The following COA8 variants were observed in gnomAD, a reference collection of about 807,000 sequenced individuals.
COA8 encodes UPF0671 protein C14orf153.
Under a neutral mutation model 22.0 loss-of-function variants are expected in COA8, and 20 were observed. The ratio of observed to expected loss-of-function variants is 0.91; its 90% CI spans 0.64 to 1.32. The LOEUF (loss-of-function observed/expected upper bound fraction) is 1.32. COA8 is among the 40% of genes most tolerant of loss of function. COA8 has a pLI of 0.00. For missense variants in COA8, 266 were observed against 230.0 expected (o/e 1.16, Z -1.01); for synonymous variants, 105 against 79.9 (o/e 1.31, Z -1.68).
At chr14:103,585,680 A>C (rs1478934561) in intron 3 of COA8, among the ~76,000 whole-genome samples, 1 of 147,496 alleles carries the variant, frequency 6.8e-6, no homozygotes, top group Non-Finnish European at 1.5e-5. Flanking sequence ...GGTTCAAGCA[A>C]TTCTCCTGCC....
At position 103,563,031 on chromosome 14, in the gene COA8, CT is replaced by C; in HGVS notation, c.33del (p.Leu12SerfsTer45). The C allele has an allele frequency of 6.4e-7, 1 of 1,551,562 alleles. No individual in the cohort carries two copies. Among genetic ancestry groups the C allele is most frequent in the South Asian group, 1.2e-5 (1 of 85,744 alleles). Reference protein sequence around the residue: MVVLRAGKKTFLPPLCRAFAC... With the variant: MVVLRAGKKTXLPPLCRAFAC... ...TGGTCTTGCGGGCGGGGAAGAAGAC[CT>C]TTCTCCCCCCTCTCTGCCGCGCCTT... On this transcript the variant is annotated frameshift_variant, in exon 1 of 5. Coordinates refer to ENST00000409074, the MANE Select transcript of COA8 (RefSeq NM_001370595.2). LOFTEE classifies it high-confidence loss of function.
chr14:103,568,191 G>A (rs556082658), intron 1 of COA8, among the ~76,000 whole-genome samples: 2 of 152,296 alleles, frequency 1.3e-5, no homozygotes, highest in Non-Finnish European at 2.9e-5. Flanking sequence ...GTAGCTTTGT[G>A]TCATGTACGG....
chr14:103,565,943 C>T (rs1341816979), intron 1 of COA8, among the ~76,000 whole-genome samples: 1 of 152,040 alleles, frequency 6.6e-6, no homozygotes, highest in Admixed American at 6.6e-5. Flanking sequence ...CAAAAATGAG[C>T]TGTAGGGTAT....
rs79347665 is a variant in COA8, at chr14:103,574,303, G to C, written c.385+133G>C. ...TTGGCCTGCTTTGGGGCAGTGCTCG[G>C]CACACCCCTGTCCAAGTTCTCTTGC... On this transcript the variant is annotated intron_variant, in intron 3 of 4. Coordinates refer to ENST00000409074, the MANE Select transcript of COA8 (RefSeq NM_001370595.2). 9.2e-6 allele frequency: 11 copies of C among 1,192,148 alleles called. No individual in the cohort carries two copies. In the African/African-American group the frequency reaches 1.5e-4, roughly 16 times the overall value. The allele number at this position is 1,192,148 out of a possible 1,614,324, so 73.8% of individuals were successfully genotyped here. A position where few individuals can be genotyped will look rare whatever the true frequency, so the allele number is the denominator to read the frequency against.
At chr14:103,567,759 G>A (rs2076146198) in intron 1 of COA8, among the ~76,000 whole-genome samples, 2 of 152,092 alleles carry the variant, frequency 1.3e-5, no homozygotes, top group Admixed American at 1.3e-4. Context: ...GTCTGTTGGT[G>A]GTGGGAAAGA....
chr14:103,563,414 TG>T (rs2076107797), intron 1 of COA8: 1 of 555,956 alleles, frequency 1.8e-6, no homozygotes, highest in East Asian at 3.4e-5. Context: ...TTCCCGAGAA[TG>T]ATTATTTTTT....
chr14:103,585,425 G>A (rs2076298583), intron 3 of COA8, among the ~76,000 whole-genome samples: 1 of 149,376 alleles, frequency 6.7e-6, no homozygotes, highest in South Asian at 2.1e-4. Flanking sequence ...GTTGTGGTGA[G>A]CCGAGATCGT....
chr14:103,574,430 G>A (rs779454285), intron 3 of COA8: 13 of 624,338 alleles, frequency 2.1e-5, no homozygotes, highest in East Asian at 3.4e-5. Context: ...TTTGACTTTC[G>A]TACTGAGGTC....
At chr14:103,585,119 CAG>C (rs1200900035) in intron 3 of COA8, among the ~76,000 whole-genome samples, 1 of 151,688 alleles carries the variant, frequency 6.6e-6, no homozygotes, top group African/African-American at 2.4e-5. Context: ...GCCTGGGTGA[CAG>C]AGCAAGACTC....
rs1211183911 is a variant in COA8 at position 103,590,294 on chromosome 14, C to G, written c.*8C>G. ...AAGAAGAGGAGCAACTAGGAGTCCACTCTGACCCAGCCAGAGTCCAGGTTT... is the reference window on the plus strand; with the variant it reads ...AAGAAGAGGAGCAACTAGGAGTCCAGTCTGACCCAGCCAGAGTCCAGGTTT... On this transcript the variant is annotated 3_prime_UTR_variant, in exon 5 of 5. Transcript: ENST00000409074. The G allele has an allele frequency of 1.2e-6, 2 of 1,611,158 alleles. No homozygotes were observed. Among genetic ancestry groups the G allele is most frequent in the Admixed American group, 1.7e-5 (1 of 59,800 alleles).
intron 3 of COA8, among the ~76,000 whole-genome samples, chr14:103,577,100 C>G (rs2142291722): frequency 6.6e-6 from 1 of 152,302 alleles, no homozygotes; most frequent in African/African-American, 2.4e-5. Flanking sequence ...GAGATGGAGT[C>G]TCACTCTGTC....
Position 103,574,103 on chromosome 14 carries a change from T to TTTTTTGG in COA8, c.322-4_322-3insTTTTTGG. 6.7e-7 allele frequency: 1 copy of TTTTTTGG among 1,484,220 alleles called. No homozygotes were observed. Among genetic ancestry groups the TTTTTTGG allele is most frequent in the Non-Finnish European group, 9.0e-7 (1 of 1,115,540 alleles). 91.9% of individuals were successfully genotyped at this position (1,484,220 alleles called of 1,614,324 possible). A position where few individuals can be genotyped will look rare whatever the true frequency, so the allele number is the denominator to read the frequency against. ...CTTTTTTTTTTTTTTTTTTTTTTTT[T>TTTTTTGG]AAGGAAAAAGAAGAATTTATTCACT... On this transcript the variant is annotated splice_region_variant and splice_polypyrimidine_tract_variant and intron_variant, in intron 2 of 4. Coordinates refer to ENST00000409074, the MANE Select transcript of COA8 (RefSeq NM_001370595.2).
intron 4 of COA8, chr14:103,588,392 C>T (rs1329612329): frequency 2.6e-6 from 1 of 378,250 alleles, no homozygotes; most frequent in Non-Finnish European, 4.7e-6. Context: ...TACAGTGAGC[C>T]GAGATCCGGC....
intron 2 of COA8, among the ~76,000 whole-genome samples, chr14:103,572,259 G>A (rs1253231316): frequency 6.6e-6 from 1 of 152,124 alleles, no homozygotes; most frequent in Non-Finnish European, 1.5e-5. Flanking sequence ...TCCATCCCCC[G>A]CACTGTATGT....
At chr14:103,565,333 T>TA (rs963573467) in intron 1 of COA8, among the ~76,000 whole-genome samples, 23 of 152,250 alleles carry the variant, frequency 1.5e-4, no homozygotes, top group African/African-American at 5.1e-4. Flanking sequence ...AATCCATCTT[T>TA]AAAACTCAGC....
intron 3 of COA8, among the ~76,000 whole-genome samples, chr14:103,580,797 G>GTTTT (rs377472697): frequency 8.2e-6 from 1 of 122,564 alleles, no homozygotes; most frequent in African/African-American, 3.0e-5. Flanking sequence ...TTGGCCTGTT[G>GTTTT]TTTTTTTTTT....
At chr14:103,575,746 C>T (rs2076225611) in intron 3 of COA8, among the ~76,000 whole-genome samples, 1 of 152,106 alleles carries the variant, frequency 6.6e-6, no homozygotes, top group South Asian at 2.1e-4. Context: ...GTCTCCCAGG[C>T]TGGAATGCAG....
At chr14:103,574,205 C>G in intron 3 of COA8, 35 bp downstream of exon 3, 1 of 1,541,640 alleles carries the variant, frequency 6.5e-7, no homozygotes, top group Non-Finnish European at 8.8e-7. Flanking sequence ...TTTTTGCTTT[C>G]TTTGCGTTTG....
intron 3 of COA8, among the ~76,000 whole-genome samples, chr14:103,584,462 TTCA>T (rs1200660696): frequency 1.3e-5 from 2 of 152,082 alleles, no homozygotes; most frequent in African/African-American, 4.8e-5. Context: ...GCTATCACCC[TTCA>T]TCACTCAGGA....
Sources: allele counts gnomAD v4.1 joint callset (sites outside exome capture counted in the v4.1 genomes callset), GRCh38; gene constraint gnomAD v4.1.1; transcripts MANE v1.5; gene names NCBI Gene and HGNC (gene_info 2026-07-23, HGNC 2026-07-21).